The following ZC3H18 variants were observed in gnomAD, a reference collection of about 807,000 sequenced individuals.
ZC3H18 encodes the protein zinc finger CCCH-type containing 18, also known as zinc finger CCCH domain-containing protein 18.
Under a neutral mutation model 106.1 loss-of-function variants are expected in ZC3H18, and 8 were observed. That is an observed-to-expected ratio of 0.08 (90% CI 0.04 to 0.14). The LOEUF (loss-of-function observed/expected upper bound fraction) is 0.14, where lower values mean the gene tolerates loss of function less well. Ranked by LOEUF, ZC3H18 falls within the 10% of genes least tolerant of loss-of-function variation. The pLI, the probability that ZC3H18 is intolerant of heterozygous loss-of-function variation, is 1.00. For synonymous variants in ZC3H18, 635 were observed against 522.1 expected (o/e 1.22, Z -2.95); for missense variants, 1,318 against 1,278.4 (o/e 1.03, Z -0.47).
chr16:88,631,884 C>T lies in ZC3H18; in HGVS notation c.*585C>T. The stretch of plus-strand genomic sequence containing the variant: ...AATACAGAAAAGACCAAAAAAAGGC[C>T]AAGGGTGTTGTTGGGGCGTCTGTCT... On this transcript the variant is annotated 3_prime_UTR_variant, in exon 18 of 18. Coordinates refer to ENST00000301011, the MANE Select transcript of ZC3H18 (RefSeq NM_144604.4). 1 of 296,388 alleles carries T rather than the reference C, an allele frequency of 3.4e-6. No homozygotes were observed. Among genetic ancestry groups the T allele is most frequent in the East Asian group, 1.2e-4 (1 of 8,422 alleles). 18.4% of individuals were successfully genotyped at this position (296,388 alleles called of 1,614,324 possible).
chr16:88,581,918 C>G (rs1437227319), intron 2 of ZC3H18, among the ~76,000 whole-genome samples: 1 of 152,238 alleles, frequency 6.6e-6, no homozygotes, highest in African/African-American at 2.4e-5. Flanking sequence ...TTTGCTCACT[C>G]CATGTTCCGT....
At chr16:88,591,889 CTGG>C (rs2142625927) in intron 3 of ZC3H18, among the ~76,000 whole-genome samples, 1 of 152,248 alleles carries the variant, frequency 6.6e-6, no homozygotes, top group South Asian at 2.1e-4. Flanking sequence ...TGCTGATGAC[CTGG>C]TGGTTGTGTG....
chr16:88,588,065 C>T lies in ZC3H18; in HGVS notation c.688+1381C>T, dbSNP rs77146941. Among the ~76,000 whole-genome samples the T allele has an allele frequency of 1.3e-4, 20 of 152,334 alleles. No individual in the cohort carries two copies. In the East Asian group the frequency reaches 2.1e-3, roughly 16 times the overall value. ...GCAGACTTAGAGCCGTAGATTGTCA[C>T]AGACACACCTAAGAATGCAGAGAAA... On this transcript the variant is annotated intron_variant, in intron 3 of 17. Coordinates refer to ENST00000301011, the MANE Select transcript of ZC3H18 (RefSeq NM_144604.4).
At chr16:88,571,137 A>G (rs536081066) in intron 1 of ZC3H18, among the ~76,000 whole-genome samples, 1 of 152,324 alleles carries the variant, frequency 6.6e-6, no homozygotes, top group South Asian at 2.1e-4. Flanking sequence ...TGGGTCCTTT[A>G]TATAGACCAA....
chr16:88,573,279 G>A (rs1914523046), intron 1 of ZC3H18, among the ~76,000 whole-genome samples: 1 of 152,028 alleles, frequency 6.6e-6, no homozygotes, highest in Non-Finnish European at 1.5e-5. Context: ...CCTTCTATGA[G>A]GAAGATGTTT....
chr16:88,600,082 T>A (rs1265644574), intron 6 of ZC3H18, 134 bp downstream of exon 6: 1 of 1,151,760 alleles, frequency 8.7e-7, no homozygotes, highest in African/African-American at 1.6e-5. Context: ...TCAGTGACGT[T>A]CCTGAGAGCA....
At chr16:88,629,733 G>A (rs1160741312) in intron 16 of ZC3H18, among the ~76,000 whole-genome samples, 1 of 152,230 alleles carries the variant, frequency 6.6e-6, no homozygotes, top group Non-Finnish European at 1.5e-5. Flanking sequence ...CACCCCAAGA[G>A]CTGGGGCCCA....
chr16:88,578,850 G>A (rs1368480078), intron 2 of ZC3H18, among the ~76,000 whole-genome samples: 3 of 152,104 alleles, frequency 2.0e-5, no homozygotes, highest in African/African-American at 4.8e-5. Context: ...GCCACCACTG[G>A]CTAATTTTTG....
Position 88,586,593 on chromosome 16 carries a change from G to C in ZC3H18, c.604-7G>C. 3 of 1,613,934 alleles carry C rather than the reference G, an allele frequency of 1.9e-6. No individual in the cohort carries two copies. Among genetic ancestry groups the C allele is most frequent in the Non-Finnish European group, 8.5e-7 (1 of 1,179,764 alleles). On this transcript the variant is annotated splice_region_variant and splice_polypyrimidine_tract_variant and intron_variant, in intron 2 of 17. Coordinates refer to ENST00000301011, the MANE Select transcript of ZC3H18 (RefSeq NM_144604.4). ...CCCCCACGCTAAGACGGTGTTCTCT[G>C]TTTCAGGATGATGACCTGGAAGAAG...
rs537387992 is a variant in ZC3H18 at position 88,625,400 on chromosome 16, C to T, written c.2108+133C>T. Reference sequence around the variant, plus strand: ...CTTCTGGATCTGAGTCACCCTGGGGCTGTGGAAGGCTGCGGTTGAAGCTTT... The same window carrying T: ...CTTCTGGATCTGAGTCACCCTGGGGTTGTGGAAGGCTGCGGTTGAAGCTTT... On this transcript the variant is annotated intron_variant, in intron 13 of 17. Coordinates refer to ENST00000301011, the MANE Select transcript of ZC3H18 (RefSeq NM_144604.4). The T allele has an allele frequency of 1.3e-5, 14 of 1,074,838 alleles. No individual in the cohort carries two copies. The Admixed American group carries it at 1.6e-4, about 12-fold the overall frequency. 66.6% of individuals were successfully genotyped at this position (1,074,838 alleles called of 1,614,324 possible). A position where few individuals can be genotyped will look rare whatever the true frequency, so the allele number is the denominator to read the frequency against.
chr16:88,591,370 C>T (rs1050542143), intron 3 of ZC3H18, among the ~76,000 whole-genome samples: 2 of 152,088 alleles, frequency 1.3e-5, no homozygotes, highest in South Asian at 2.1e-4. Context: ...GTTAGGAGTT[C>T]GAGACCAGAC....
At chr16:88,595,299 C>T (rs916460586) in intron 3 of ZC3H18, among the ~76,000 whole-genome samples, 3 of 152,208 alleles carry the variant, frequency 2.0e-5, no homozygotes, top group Admixed American at 6.5e-5. Flanking sequence ...GCTCCAGCGG[C>T]CTCTGTCCCT....
At chr16:88,576,138 G>A (rs935187651) in intron 1 of ZC3H18, among the ~76,000 whole-genome samples, 2 of 152,046 alleles carry the variant, frequency 1.3e-5, no homozygotes, top group East Asian at 3.9e-4. Context: ...CTGACCTCAT[G>A]ATCCACCTGC....
chr16:88,601,874 C>A (rs148224868), intron 6 of ZC3H18, among the ~76,000 whole-genome samples: 62 of 152,106 alleles, frequency 4.1e-4, no homozygotes, highest in African/African-American at 1.4e-3. Context: ...TGGCGAGGTG[C>A]CCTGGCTGTT....
chr16:88,624,233 T>G, intron 11 of ZC3H18, 171 bp downstream of exon 11: 1 of 882,472 alleles, frequency 1.1e-6, no homozygotes, highest in Non-Finnish European at 1.7e-6. Context: ...CAGCTCCTGT[T>G]CTCACGGGCC....
Position 88,577,157 on chromosome 16 carries a change from C to T in ZC3H18, c.34C>T (p.His12Tyr). ...DVAESPERDP[H>Y]SPEDEEQPQG... ...GGCCGAGAGCCCTGAACGGGATCCT[C>T]ACTCTCCAGAGGATGAAGAGCAGCC... Residue 12 changes from histidine to tyrosine, a missense_variant, in exon 2 of 18, where the codon CAC becomes TAC. Transcript: ENST00000301011. The T allele has an allele frequency of 6.3e-7, 1 of 1,585,746 alleles. No homozygotes were observed.
At chr16:88,571,654 C>T in intron 1 of ZC3H18, 1 of 985,394 alleles carries the variant, frequency 1.0e-6, no homozygotes, top group Non-Finnish European at 1.2e-6. Context: ...TTTGTGGAGT[C>T]ACTCCAGAAA....
intron 8 of ZC3H18, among the ~76,000 whole-genome samples, chr16:88,618,354 C>T (rs1292570789): frequency 6.6e-6 from 1 of 152,256 alleles, no homozygotes; most frequent in East Asian, 1.9e-4. Flanking sequence ...TGTGGAGGTG[C>T]TCCCAGAGCT....
intron 3 of ZC3H18, among the ~76,000 whole-genome samples, chr16:88,592,017 T>G (rs1915785664): frequency 6.6e-6 from 1 of 152,242 alleles, no homozygotes; most frequent in Non-Finnish European, 1.5e-5. Flanking sequence ...TGGTTGTGTG[T>G]TTCATCTTTT....
Sources: allele counts gnomAD v4.1 joint callset (sites outside exome capture counted in the v4.1 genomes callset), GRCh38; gene constraint gnomAD v4.1.1; transcripts MANE v1.5; gene names NCBI Gene and HGNC (gene_info 2026-07-23, HGNC 2026-07-21).